The following TEX11 variants were observed in gnomAD, a reference collection of about 807,000 sequenced individuals.
The protein encoded by TEX11 is testis expressed 11.
Under a neutral mutation model 84.4 loss-of-function variants are expected in TEX11, and 7 were observed. That is an observed-to-expected ratio of 0.08 (90% CI 0.05 to 0.16). The LOEUF is 0.16. Among genes scored for constraint, TEX11 ranks in the 10% least tolerant of loss-of-function variants. The probability of loss-of-function intolerance (pLI) is 1.00; values close to 1 mark genes in which losing one functional copy is unlikely to be tolerated. For synonymous variants in TEX11, 264 were observed against 222.8 expected (o/e 1.18, Z -1.64); for missense variants, 551 against 660.5 (o/e 0.83, Z 1.82).
chrX:70,752,064 A>C (rs923943581), intron 9 of TEX11, among the ~76,000 whole-genome samples: 9 of 112,221 alleles, frequency 8.0e-5, no homozygotes, highest in African/African-American at 2.9e-4. Flanking sequence ...ATGGTAGTTC[A>C]AATCTAAAAG....
At chrX:70,552,997 C>T (rs927222817) in intron 27 of TEX11, among the ~76,000 whole-genome samples, 7 of 111,113 alleles carry the variant, frequency 6.3e-5, no homozygotes, top group Admixed American at 1.9e-4. Context: ...CTTTTCTGTA[C>T]ATTTGGAATA....
chrX:70,796,438 T>C (rs1344118993), intron 9 of TEX11, among the ~76,000 whole-genome samples: 1 of 111,941 alleles, frequency 8.9e-6, no homozygotes, highest in Non-Finnish European at 1.9e-5. Flanking sequence ...TTCAAAGGGA[T>C]AATAACAGAG....
At chrX:70,578,415 C>G (rs1242046671) in intron 25 of TEX11, among the ~76,000 whole-genome samples, 2 of 111,709 alleles carry the variant, frequency 1.8e-5, no homozygotes, top group African/African-American at 6.5e-5. Flanking sequence ...TTTTGTTGTT[C>G]TATTTGTTCA....
intron 18 of TEX11, among the ~76,000 whole-genome samples, chrX:70,628,760 A>G (rs1208335056): frequency 8.9e-6 from 1 of 112,132 alleles, no homozygotes; most frequent in Non-Finnish European, 1.9e-5. Context: ...GCAGATGCAG[A>G]TATGGAATGT....
chrX:70,788,661 T>C (rs761255467), intron 9 of TEX11, among the ~76,000 whole-genome samples: 80 of 90,003 alleles, frequency 8.9e-4, no homozygotes, highest in Non-Finnish European at 5.6e-4. Context: ...ACCCTGATGA[T>C]CAGAAAATGT....
intron 28 of TEX11, among the ~76,000 whole-genome samples, chrX:70,530,528 C>T (rs184110523): frequency 9.9e-4 from 111 of 112,079 alleles, no homozygotes; most frequent in African/African-American, 3.6e-3. Flanking sequence ...TGGTCTTTAA[C>T]ATGACTAATC....
At chrX:70,511,477 A>G in the TEX11 span, among the ~76,000 whole-genome samples, 15 of 111,327 alleles carry the variant, frequency 1.3e-4, no homozygotes, top group African/African-American at 4.9e-4. Flanking sequence ...ACATAGGGCC[A>G]GGCACAGTGG....
chrX:70,741,063 C>A (rs1455003812), intron 10 of TEX11, among the ~76,000 whole-genome samples: 3 of 110,899 alleles, frequency 2.7e-5, no homozygotes, highest in African/African-American at 9.8e-5. Flanking sequence ...ATTTTCTTAA[C>A]AGTATTTAAC....
At chrX:70,664,094 G>C (rs2089955542) in intron 16 of TEX11, among the ~76,000 whole-genome samples, 1 of 111,790 alleles carries the variant, frequency 8.9e-6, no homozygotes, top group Non-Finnish European at 1.9e-5. Flanking sequence ...AATATTTTCA[G>C]TCTGCGTTTG....
Position 70,880,018 on chromosome X carries a change from C to T in TEX11, c.129G>A (p.Arg43=), listed in dbSNP as rs1329390749. Residue 43 remains arginine (R), a synonymous_variant, in exon 3 of 30, where the codon AGG becomes AGA. Coordinates refer to ENST00000374333, the MANE Select transcript of TEX11 (RefSeq NM_031276.3). ...RLFSDIANIN[R]ESMAEITDIQ... is the part of the protein sequence containing the mutation. ...TGTCTGTTATTTCAGCCATAGACTC[C>T]CTGTTGATATTTGCTATGTCGCTGA... 9.3e-6 allele frequency: 11 copies of T among 1,188,146 alleles called. No individual in the cohort carries two copies. The highest frequency in any genetic ancestry group is 1.3e-5 in the Non-Finnish European group (11 of 879,981).
At chrX:70,790,748 T>G (rs1232969770) in intron 9 of TEX11, among the ~76,000 whole-genome samples, 1 of 111,700 alleles carries the variant, frequency 9.0e-6, no homozygotes, top group African/African-American at 3.3e-5. Flanking sequence ...CAGCATAGCC[T>G]CCACTGCCCT....
In TEX11 at chrX:70,610,063, C is replaced by T. The variant is rs181288584; in HGVS notation, c.1792+440G>A. ...ATTTTTATTTGTCTTGATCTTTTTT[C>T]ACCTGTTCAATTCTTAGGTTAGGAT... On this transcript the variant is annotated intron_variant, in intron 21 of 29. Transcript: ENST00000374333. Among the ~76,000 whole-genome samples the T allele has an allele frequency of 5.7e-3, 610 of 106,462 alleles. 3 individuals carry two copies. The highest frequency in any genetic ancestry group is 0.02 in the African/African-American group (574 of 29,041). 92.4% of individuals were successfully genotyped at this position (106,462 alleles called of 115,157 possible).
chrX:70,771,169 T>C (rs2090969927), intron 9 of TEX11, among the ~76,000 whole-genome samples: 1 of 112,534 alleles, frequency 8.9e-6, no homozygotes, highest in South Asian at 3.6e-4. Context: ...TGTATCCCTA[T>C]TGGGAGAAAA....
At chrX:70,859,939 C>A (rs2091560259) in intron 5 of TEX11, among the ~76,000 whole-genome samples, 1 of 111,615 alleles carries the variant, frequency 9.0e-6, no homozygotes, top group African/African-American at 3.3e-5. Context: ...TTGCTTGAAC[C>A]CAGGAGATGG....
intron 9 of TEX11, among the ~76,000 whole-genome samples, chrX:70,796,931 G>A (rs758067144): frequency 1.3e-4 from 15 of 111,792 alleles, no homozygotes; most frequent in South Asian, 1.1e-3. Flanking sequence ...CACACCAGTC[G>A]AAGTGGTTTT....
chrX:70,556,816 C>A (rs2088292614), intron 25 of TEX11, among the ~76,000 whole-genome samples: 1 of 111,050 alleles, frequency 9.0e-6, no homozygotes, highest in South Asian at 3.8e-4. Flanking sequence ...AAAATAAATC[C>A]ATTTACAATA....
chrX:70,577,759 C>CTTTTTTTTTTTTTTG (rs1213364344), intron 25 of TEX11, among the ~76,000 whole-genome samples: 1 of 96,633 alleles, frequency 1.0e-5, no homozygotes, highest in Admixed American at 1.1e-4. Context: ...GAGACAGTCT[C>CTTTTTTTTTTTTTTG]ACTCTGTCAC....
chrX:70,707,894 A>G (rs2090390650), intron 13 of TEX11, among the ~76,000 whole-genome samples: 1 of 111,016 alleles, frequency 9.0e-6, no homozygotes, highest in South Asian at 3.8e-4. Context: ...AAGTCCCCAA[A>G]AGCAATTGCA....
intron 9 of TEX11, among the ~76,000 whole-genome samples, chrX:70,791,219 T>A (rs2091116382): frequency 8.9e-6 from 1 of 111,768 alleles, no homozygotes; most frequent in South Asian, 3.7e-4. Flanking sequence ...TCACTATTCT[T>A]ATATCAGATA....
Sources: gnomAD v4.1 joint callset for allele counts (sites outside exome capture counted in the v4.1 genomes callset) on GRCh38, gnomAD v4.1.1 for gene constraint, MANE v1.5 for transcripts, NCBI Gene and HGNC (gene_info 2026-07-23, HGNC 2026-07-21) for gene names.